Variants in MARCHF10 observed in about 807,000 individuals in gnomAD.
MARCHF10 encodes membrane associated ring-CH-type finger 10.
MARCHF10 carries 64 observed loss-of-function variants against 76.2 expected under a neutral mutation model. The observed-to-expected ratio is 0.84, with a 90% CI of 0.69 to 1.03. MARCHF10 has a LOEUF of 1.03. Among genes scored for constraint, MARCHF10 ranks in the 50% least tolerant of loss-of-function variants. The pLI is 0.00. For missense variants in MARCHF10, 875 were observed against 958.0 expected, an observed-to-expected ratio of 0.91 and a Z score of 1.14; for synonymous variants, 340 against 357.5, an observed-to-expected ratio of 0.95 and a Z score of 0.55.
intron 3 of MARCHF10, among the ~76,000 whole-genome samples, chr17:62,770,699 C>T (rs1310038254): frequency 6.6e-6 from 1 of 151,996 alleles, no homozygotes; most frequent in Non-Finnish European, 1.5e-5. Flanking sequence ...GACCACCACA[C>T]CCAGCTAATT....
In MARCHF10 at chr17:62,744,296, A is replaced by G. The variant is rs1190161483; in HGVS notation, c.535+80T>C. 2.1e-6 allele frequency: 3 copies of G among 1,459,188 alleles called. No individual in the cohort carries two copies. In the African/African-American group the frequency reaches 4.3e-5, roughly 21 times the overall value. 90.4% of individuals were successfully genotyped at this position (1,459,188 alleles called of 1,614,324 possible). On this transcript the variant is annotated intron_variant, in intron 5 of 10. Transcript: ENST00000311269. ...TACTTAAAAGTACAAGTATCTAAAA[A>G]CCATAAAGAATTCACCGGGTAACAG...
chr17:62,727,563 A>G (rs2090822551), intron 6 of MARCHF10, among the ~76,000 whole-genome samples: 2 of 152,122 alleles, frequency 1.3e-5, no homozygotes, highest in African/African-American at 4.8e-5. Flanking sequence ...TCCTGTGCAC[A>G]TACTGTTTTA....
chr17:62,775,281 A>T (rs2092530137), intron 3 of MARCHF10, among the ~76,000 whole-genome samples: 2 of 151,516 alleles, frequency 1.3e-5, no homozygotes, highest in African/African-American at 4.9e-5. Flanking sequence ...ACCCACCACC[A>T]CGCCCAGCTT....
rs12103846 is a variant in MARCHF10, at chr17:62,759,731, A to G, written c.382+104T>C. The G allele has an allele frequency of 0.011, 12,933 of 1,214,566 alleles. 1,037 individuals are homozygous for G. In the African/African-American group the frequency reaches 0.17, roughly 16 times the overall value. 75.2% of individuals were successfully genotyped at this position (1,214,566 alleles called of 1,614,324 possible). A position where few individuals can be genotyped will look rare whatever the true frequency, so the allele number is the denominator to read the frequency against. ...AGTGATCCGCCGGCCTCAGCCTCTC[A>G]AAGTGCTGGGATTACAGGCGTGAGC... is the stretch of plus-strand genomic sequence containing the variant. On this transcript the variant is annotated intron_variant, in intron 4 of 10. Transcript: ENST00000311269.
At chr17:62,730,018 C>T (rs1178879542) in intron 6 of MARCHF10, among the ~76,000 whole-genome samples, 1 of 152,150 alleles carries the variant, frequency 6.6e-6, no homozygotes, top group Non-Finnish European at 1.5e-5. Flanking sequence ...CCCGTCTCTA[C>T]TAAAAATGCA....
Position 62,737,259 on chromosome 17 carries a change from C to A in MARCHF10, c.609G>T (p.Leu203Phe). Residue 203 changes from leucine (L) to phenylalanine (F), a missense_variant, in exon 6 of 11, where the codon TTG (leucine) becomes TTT (phenylalanine). By Grantham distance (22) the Leu-to-Phe change is conservative. Coordinates refer to ENST00000311269, the MANE Select transcript of MARCHF10 (RefSeq NM_152598.4). ...LKRPNQERRN[L>F]VPSSQPMTEN... ...CAGTCATTGGCTGTGACGATGGGAC[C>A]AAGTTTCTTCTCTCTTGATTTGGCC... The A allele has an allele frequency of 6.2e-7, 1 of 1,613,738 alleles. No individual in the cohort carries two copies.
chr17:62,722,678 A>G, intron 7 of MARCHF10, 81 bp from the exon 8 acceptor site: 1 of 1,167,202 alleles, frequency 8.6e-7, no homozygotes, highest in Non-Finnish European at 1.2e-6. Context: ...ATATTTGGGG[A>G]GTGAACTTGT....
chr17:62,732,410 G>C (rs1020922248), intron 6 of MARCHF10, among the ~76,000 whole-genome samples: 6 of 152,150 alleles, frequency 3.9e-5, no homozygotes, highest in Non-Finnish European at 5.9e-5. Flanking sequence ...ACAGAATAGA[G>C]AGCCCTGAAA....
At chr17:62,799,530 C>T (rs938213975) in intron 2 of MARCHF10, among the ~76,000 whole-genome samples, 7 of 152,212 alleles carry the variant, frequency 4.6e-5, no homozygotes, top group Admixed American at 2.6e-4. Context: ...GGCAGATCAC[C>T]TGAGGTCGGG....
At chr17:62,752,635 GC>G (rs1249703061) in intron 4 of MARCHF10, among the ~76,000 whole-genome samples, 1 of 80,856 alleles carries the variant, frequency 1.2e-5, no homozygotes, top group Non-Finnish European at 2.2e-5. Flanking sequence ...TATTCCCTCT[GC>G]TTTTTTTTTT....
intron 6 of MARCHF10, among the ~76,000 whole-genome samples, chr17:62,731,637 C>A (rs879686807): frequency 2.0e-5 from 3 of 152,030 alleles, no homozygotes; most frequent in Non-Finnish European, 4.4e-5. Flanking sequence ...GAAAGAGGAC[C>A]CTCATAAGGG....
intron 3 of MARCHF10, among the ~76,000 whole-genome samples, chr17:62,762,293 A>G (rs2092227066): frequency 6.6e-6 from 1 of 152,202 alleles, no homozygotes; most frequent in Admixed American, 6.5e-5. Context: ...GTGAGCCTAC[A>G]TTGTGAATAC....
intron 4 of MARCHF10, among the ~76,000 whole-genome samples, chr17:62,745,097 G>T (rs912139233): frequency 8.0e-5 from 12 of 149,430 alleles, no homozygotes; most frequent in African/African-American, 2.0e-4. Flanking sequence ...AAGAAGTTTT[G>T]TCTTTTTTTC....
At chr17:62,770,165 C>T (rs113155024) in intron 3 of MARCHF10, among the ~76,000 whole-genome samples, 118 of 152,320 alleles carry the variant, frequency 7.7e-4, no homozygotes, top group African/African-American at 2.7e-3. Flanking sequence ...CTATGGCCTC[C>T]AGCTCCATCC....
chr17:62,791,561 C>T (rs909155027), intron 2 of MARCHF10, among the ~76,000 whole-genome samples: 1 of 152,152 alleles, frequency 6.6e-6, no homozygotes, highest in Non-Finnish European at 1.5e-5. Flanking sequence ...GTTCCTTGTT[C>T]CTCTTTTTAC....
At position 62,724,931 on chromosome 17, in the gene MARCHF10, C is replaced by G; in HGVS notation, c.2104+7G>C. 6.2e-7 allele frequency: 1 copy of G among 1,611,250 alleles called. No individual in the cohort carries two copies. The highest frequency in any genetic ancestry group is 8.5e-7 in the Non-Finnish European group (1 of 1,178,944). Reference sequence around the variant, plus strand: ...GGCACGTTCACTGCACTTCCTTCCCCACCTACCTGATGTTATTTTCACTTT... The same window carrying G: ...GGCACGTTCACTGCACTTCCTTCCCGACCTACCTGATGTTATTTTCACTTT... On this transcript the variant is annotated splice_region_variant and intron_variant, in intron 7 of 10. Coordinates refer to ENST00000311269, the MANE Select transcript of MARCHF10 (RefSeq NM_152598.4).
chr17:62,785,454 A>T (rs1157890395), intron 3 of MARCHF10, among the ~76,000 whole-genome samples: 1 of 152,224 alleles, frequency 6.6e-6, no homozygotes, highest in Non-Finnish European at 1.5e-5. Context: ...ACCATTTAGG[A>T]CATAGGCATG....
intron 6 of MARCHF10, among the ~76,000 whole-genome samples, chr17:62,734,799 T>C (rs2091192127): frequency 6.6e-6 from 1 of 152,198 alleles, no homozygotes; most frequent in South Asian, 2.1e-4. Flanking sequence ...ACACGAATAA[T>C]AGCTGTTTAA....
chr17:62,708,061 G>A (rs2089696547), intron 9 of MARCHF10, among the ~76,000 whole-genome samples: 1 of 152,128 alleles, frequency 6.6e-6, no homozygotes, highest in African/African-American at 2.4e-5. Flanking sequence ...TCCCGCCAGT[G>A]CACTCCAGCC....
Sources: allele counts gnomAD v4.1 joint callset (sites outside exome capture counted in the v4.1 genomes callset), GRCh38; gene constraint gnomAD v4.1.1; transcripts MANE v1.5; gene names NCBI Gene and HGNC (gene_info 2026-07-23, HGNC 2026-07-21).